Variants in KDM4C observed in about 807,000 individuals in gnomAD.
The protein encoded by KDM4C is lysine-specific demethylase 4C.
In KDM4C, 81 loss-of-function variants were observed where a neutral mutation model predicts 129.3. The observed-to-expected ratio is 0.63, with a 90% CI of 0.52 to 0.75. The LOEUF is 0.75. KDM4C is among the 30% of genes least tolerant of loss of function. The probability of loss-of-function intolerance (pLI) is 0.00; values close to 1 mark genes in which losing one functional copy is unlikely to be tolerated. For missense variants in KDM4C, 1,457 were observed against 1,304.0 expected (o/e 1.12, Z -1.81); for synonymous variants, 573 against 456.1 (o/e 1.26, Z -3.26).
chr9:6,895,451 C>T (rs1442713412), intron 8 of KDM4C, among the ~76,000 whole-genome samples: 1 of 152,188 alleles, frequency 6.6e-6, no homozygotes, highest in Non-Finnish European at 1.5e-5. Context: ...GTAGTTCCTG[C>T]ATTTCAGAGC....
chr9:7,141,334 A>G (rs1372949613), intron 19 of KDM4C, among the ~76,000 whole-genome samples: 1 of 152,096 alleles, frequency 6.6e-6, no homozygotes, highest in South Asian at 2.1e-4. Context: ...ACTATAAGAG[A>G]CTATAAAAGC....
At chr9:7,025,135 G>A (rs1415061200) in intron 15 of KDM4C, among the ~76,000 whole-genome samples, 1 of 152,034 alleles carries the variant, frequency 6.6e-6, no homozygotes, top group Non-Finnish European at 1.5e-5. Flanking sequence ...TCTTCTTACA[G>A]TTTTTGTCTT....
At chr9:6,764,164 C>G (rs1820153378) in intron 1 of KDM4C, among the ~76,000 whole-genome samples, 3 of 152,298 alleles carry the variant, frequency 2.0e-5, no homozygotes, top group Admixed American at 1.3e-4. Flanking sequence ...GCTTGTATTA[C>G]TCAGAGATTT....
chr9:7,068,682 C>CTCTCTTTTT (rs1491581614), intron 17 of KDM4C, among the ~76,000 whole-genome samples: 1 of 88,534 alleles, frequency 1.1e-5, no homozygotes, highest in Non-Finnish European at 2.3e-5. Flanking sequence ...TTATGATGCC[C>CTCTCTTTTT]TTTCTTTTTT....
intron 5 of KDM4C, among the ~76,000 whole-genome samples, chr9:6,876,864 C>T (rs938366629): frequency 2.1e-4 from 32 of 151,710 alleles, no homozygotes; most frequent in Non-Finnish European, 1.0e-4. Flanking sequence ...TGTGGTATTA[C>T]CGGAAAAAAA....
intron 18 of KDM4C, among the ~76,000 whole-genome samples, chr9:7,123,478 A>G (rs1438910936): frequency 2.0e-5 from 3 of 152,230 alleles, no homozygotes; most frequent in Non-Finnish European, 2.9e-5. Context: ...AGGAGCAGAT[A>G]GAATTCATTC....
chr9:7,005,087 C>G (rs1821416905), intron 12 of KDM4C, among the ~76,000 whole-genome samples: 1 of 152,154 alleles, frequency 6.6e-6, no homozygotes, highest in Non-Finnish European at 1.5e-5. Context: ...ACATTGTGGG[C>G]TTCCTGAGTA....
At chr9:7,105,972 C>T (rs1837639478) in intron 18 of KDM4C, among the ~76,000 whole-genome samples, 1 of 152,126 alleles carries the variant, frequency 6.6e-6, no homozygotes, top group South Asian at 2.1e-4. Context: ...ATATAATTTA[C>T]AACATCACGT....
intron 20 of KDM4C, among the ~76,000 whole-genome samples, chr9:7,165,945 GA>G (rs1368606969): frequency 6.6e-6 from 1 of 152,186 alleles, no homozygotes; most frequent in African/African-American, 2.4e-5. Context: ...TAGTATTAAA[GA>G]GTATATATAC....
chr9:7,147,593 G>A (rs1842329526), intron 19 of KDM4C, among the ~76,000 whole-genome samples: 1 of 152,182 alleles, frequency 6.6e-6, no homozygotes, highest in African/African-American at 2.4e-5. Flanking sequence ...CTATATAGAT[G>A]GAGCTTTTTT....
At position 7,006,605 on chromosome 9, in the gene KDM4C, A is replaced by AT. The variant is rs1821718658; in HGVS notation, c.1787-5089dup. Among the ~76,000 whole-genome samples the AT allele has an allele frequency of 2.6e-5, 4 of 152,166 alleles. No individual in the cohort carries two copies. In the South Asian group the frequency reaches 8.3e-4, roughly 32 times the overall value. On this transcript the variant is annotated intron_variant, in intron 12 of 21. Coordinates refer to ENST00000381309, the MANE Select transcript of KDM4C (RefSeq NM_015061.6). ...AGGCTGTGAATGGCTAATTACTGTG[A>AT]TTTTACCTATAGGTAATTGTACAAG...
intron 6 of KDM4C, among the ~76,000 whole-genome samples, chr9:6,886,710 T>A (rs1465650359): frequency 6.6e-6 from 1 of 152,098 alleles, no homozygotes; most frequent in Non-Finnish European, 1.5e-5. Context: ...GCCAGGCTGG[T>A]CTCGAACTCC....
chr9:6,803,079 A>G (rs1439444386), intron 2 of KDM4C, among the ~76,000 whole-genome samples: 4 of 152,154 alleles, frequency 2.6e-5, no homozygotes, highest in Non-Finnish European at 5.9e-5. Context: ...AAACACCGTA[A>G]TTGTGGTTAC....
intron 1 of KDM4C, among the ~76,000 whole-genome samples, chr9:6,761,862 A>T (rs1397132688): frequency 6.6e-6 from 1 of 151,826 alleles, no homozygotes; most frequent in Non-Finnish European, 1.5e-5. Context: ...CCCAGGCTGG[A>T]GTGCAGTGGC....
At chr9:6,952,745 A>G (rs1828402053) in intron 8 of KDM4C, among the ~76,000 whole-genome samples, 1 of 152,066 alleles carries the variant, frequency 6.6e-6, no homozygotes, top group South Asian at 2.1e-4. Flanking sequence ...CCGGCCCCAG[A>G]GTATGTTTTA....
chr9:6,925,219 G>C, intron 8 of KDM4C: 1 of 985,386 alleles, frequency 1.0e-6, no homozygotes, highest in African/African-American at 1.7e-5. Context: ...GCTCATGTGA[G>C]AGCTGTGGCA....
In KDM4C at chr9:6,856,557, T is replaced by C. The variant is rs1262512192; in HGVS notation, c.629+6857T>C. Among the ~76,000 whole-genome samples, 535 of 147,728 alleles carry C rather than the reference T, an allele frequency of 3.6e-3. 7 individuals are homozygous for C. The highest frequency in any genetic ancestry group is 0.013 in the African/African-American group (510 of 39,438). On this transcript the variant is annotated intron_variant, in intron 5 of 21. Transcript: ENST00000381309. Reference sequence around the variant, plus strand: ...CTGTGTGCGTGTGTGTGTGTGTGTGTGTGTGTGTGTGTGTGTGTGTGTGTA... The same window carrying C: ...CTGTGTGCGTGTGTGTGTGTGTGTGCGTGTGTGTGTGTGTGTGTGTGTGTA...
intron 21 of KDM4C, 86 bp downstream of exon 21, chr9:7,169,976 A>T: frequency 6.3e-7 from 1 of 1,595,750 alleles, no homozygotes; most frequent in Non-Finnish European, 8.5e-7. Flanking sequence ...CAGGAAACAT[A>T]CTTGGGCTTT....
chr9:6,803,369 G>A (rs2130995484), intron 2 of KDM4C, among the ~76,000 whole-genome samples: 1 of 152,104 alleles, frequency 6.6e-6, no homozygotes, highest in East Asian at 1.9e-4. Context: ...TCAAGAGATC[G>A]AGACCATCCT....
Sources: gnomAD v4.1 joint callset for allele counts (sites outside exome capture counted in the v4.1 genomes callset) on GRCh38, gnomAD v4.1.1 for gene constraint, MANE v1.5 for transcripts, NCBI Gene and HGNC (gene_info 2026-07-23, HGNC 2026-07-21) for gene names.